AK9: variants seen among roughly 807,000 people sequenced by gnomAD.
AK9 encodes adenylate kinase domain containing 1.
In AK9, 191 loss-of-function variants were observed where a neutral mutation model predicts 239.6. The ratio of observed to expected loss-of-function variants is 0.80; its 90% CI spans 0.71 to 0.90. AK9 has a LOEUF of 0.90. Ranked by LOEUF, AK9 falls within the 40% of genes least tolerant of loss-of-function variation. The pLI is 0.00. For synonymous variants in AK9, 689 were observed against 721.0 expected (o/e 0.96, Z 0.71); for missense variants, 1,995 against 2,214.7 (o/e 0.90, Z 1.99).
chr6:109,592,478 G>T (rs1230867412), intron 17 of AK9, among the ~76,000 whole-genome samples: 1 of 132,000 alleles, frequency 7.6e-6, no homozygotes, highest in African/African-American at 2.8e-5. Flanking sequence ...ACGGAGTCTC[G>T]CTCTTTCACC....
At chr6:109,660,509 T>G (rs1188410727) in intron 6 of AK9, among the ~76,000 whole-genome samples, 8 of 152,180 alleles carry the variant, frequency 5.3e-5, no homozygotes, top group African/African-American at 1.9e-4. Context: ...CTTCATGCCA[T>G]CTCTAGATGG....
At chr6:109,680,348 C>T (rs560736308) in intron 1 of AK9, among the ~76,000 whole-genome samples, 60 of 151,906 alleles carry the variant, frequency 3.9e-4, no homozygotes, top group Non-Finnish European at 7.1e-4. Context: ...TGGAAGAAAG[C>T]ATATCAGTGA....
intron 20 of AK9, among the ~76,000 whole-genome samples, chr6:109,577,519 CCT>C (rs1272939941): frequency 6.6e-6 from 1 of 151,402 alleles, no homozygotes; most frequent in Admixed American, 6.6e-5. Flanking sequence ...GGGAGGATTC[CCT>C]CTCTCTCTAT....
chr6:109,560,981 T>TA (rs1461782481), intron 24 of AK9, among the ~76,000 whole-genome samples: 2 of 151,886 alleles, frequency 1.3e-5, no homozygotes, highest in Non-Finnish European at 2.9e-5. Flanking sequence ...TTTTTTGAGA[T>TA]AGAGTCTCAC....
intron 27 of AK9, among the ~76,000 whole-genome samples, chr6:109,535,729 ATGGTTTTAG>A (rs1226628039): frequency 1.3e-5 from 2 of 152,140 alleles, no homozygotes; most frequent in Non-Finnish European, 2.9e-5. Context: ...TAGGGTTTTT[ATGGTTTTAG>A]GTCTAACATT....
chr6:109,682,142 T>C (rs1772736783), intron 1 of AK9, among the ~76,000 whole-genome samples: 1 of 152,032 alleles, frequency 6.6e-6, no homozygotes, highest in African/African-American at 2.4e-5. Flanking sequence ...AATCAATGAA[T>C]TGGCTGGGCA....
At chr6:109,686,060 C>T (rs1453116918) in intron 1 of AK9, among the ~76,000 whole-genome samples, 1 of 152,048 alleles carries the variant, frequency 6.6e-6, no homozygotes, top group African/African-American at 2.4e-5. Context: ...CTTTTCAATC[C>T]CTATCAAGAA....
At chr6:109,595,490 C>A (rs929265487) in intron 17 of AK9, among the ~76,000 whole-genome samples, 1 of 152,132 alleles carries the variant, frequency 6.6e-6, no homozygotes, top group Non-Finnish European at 1.5e-5. Context: ...ACCCAGCAAT[C>A]CCATTACTGG....
intron 13 of AK9, among the ~76,000 whole-genome samples, chr6:109,618,689 T>C (rs1288443417): frequency 2.0e-5 from 3 of 152,178 alleles, no homozygotes. Context: ...TAAATTAATC[T>C]TTCCCAAATA....
chr6:109,619,228 G>T lies in AK9; in HGVS notation c.1263C>A (p.Asp421Glu), dbSNP rs1450041943. The T allele has an allele frequency of 1.9e-6, 3 of 1,541,398 alleles. No individual in the cohort carries two copies. The highest frequency in any genetic ancestry group is 2.6e-6 in the Non-Finnish European group (3 of 1,144,216). The change falls in exon 13 of 41, where the codon GAC becomes GAA. Residue 421 changes from aspartate (D) to glutamate (E), a missense_variant. Asp to Glu is a conservative substitution (Grantham distance 45). Around this residue, in one of 5 missense-constraint regions of AK9, gnomAD observed 1,290 missense variants for 1,392.7 expected, o/e 0.93. Coordinates refer to ENST00000424296, the MANE Select transcript of AK9 (RefSeq NM_001145128.3). The part of the protein sequence containing the change: ...LAENYKGKVV[D>E]YAQLVQPRFD... ...AACGTGGCTGAACAAGTTGGGCATA[G>T]TCGACTACCTGCAAAGAATATTTGA...
intron 24 of AK9, among the ~76,000 whole-genome samples, chr6:109,562,728 C>T (rs1258001641): frequency 1.4e-5 from 2 of 145,390 alleles, no homozygotes; most frequent in South Asian, 5.1e-4. Context: ...GTACCCTACC[C>T]AATGCTCTGT....
chr6:109,598,987 T>C (rs551944626), intron 17 of AK9, among the ~76,000 whole-genome samples: 2 of 152,310 alleles, frequency 1.3e-5, no homozygotes, highest in South Asian at 2.1e-4. Context: ...CTTTGTCAGA[T>C]GGGTAGATTG....
chr6:109,655,282 T>C (rs1458533828), intron 8 of AK9, among the ~76,000 whole-genome samples: 1 of 152,214 alleles, frequency 6.6e-6, no homozygotes, highest in Non-Finnish European at 1.5e-5. Flanking sequence ...TAGATTAGCA[T>C]TTCTTTATTA....
chr6:109,619,386 G>A (rs1272756764), intron 12 of AK9, 150 bp from the exon 13 acceptor site: 1 of 934,702 alleles, frequency 1.1e-6, no homozygotes, highest in East Asian at 3.1e-5. Flanking sequence ...GTTATGTTCA[G>A]AATTCACCTA....
chr6:109,567,518 C>T (rs1014652525), intron 21 of AK9, among the ~76,000 whole-genome samples: 16 of 152,050 alleles, frequency 1.1e-4, no homozygotes, highest in African/African-American at 3.9e-4. Flanking sequence ...GGAGCTGGTA[C>T]CATTCCTTAT....
At chr6:109,524,110 G>A (rs1780169110) in intron 29 of AK9, among the ~76,000 whole-genome samples, 1 of 152,062 alleles carries the variant, frequency 6.6e-6, no homozygotes. Flanking sequence ...AATGATCAAT[G>A]AGGAAAAGGA....
intron 21 of AK9, among the ~76,000 whole-genome samples, chr6:109,567,224 G>C (rs1451841455): frequency 1.3e-5 from 2 of 151,836 alleles, no homozygotes; most frequent in African/African-American, 4.8e-5. Flanking sequence ...TTAAATAGAT[G>C]CAACAAAAAA....
intron 29 of AK9, among the ~76,000 whole-genome samples, chr6:109,527,443 A>T (rs1248443599): frequency 1.3e-5 from 2 of 152,188 alleles, no homozygotes; most frequent in African/African-American, 4.8e-5. Flanking sequence ...GGATCTGTTC[A>T]TGGAAGTGAG....
intron 36 of AK9, 106 bp from the exon 37 acceptor site, chr6:109,498,071 G>T: frequency 1.9e-6 from 2 of 1,043,454 alleles, no homozygotes; most frequent in Non-Finnish European, 2.8e-6. Context: ...CAGTAGCAGC[G>T]TTCTGCTGCT....
Sources: gnomAD v4.1 joint callset for allele counts (sites outside exome capture counted in the v4.1 genomes callset) on GRCh38, gnomAD v4.1.1 for gene constraint, gnomAD v4.1.1 regional missense constraint, MANE v1.5 for transcripts, NCBI Gene and HGNC (gene_info 2026-07-23, HGNC 2026-07-21) for gene names.